FAM135B: variants seen among roughly 807,000 people sequenced by gnomAD.
The protein encoded by FAM135B is family with sequence similarity 135 member B, also known as protein FAM135B.
Under a neutral mutation model 127.7 loss-of-function variants are expected in FAM135B, and 43 were observed. The ratio of observed to expected loss-of-function variants is 0.34; its 90% CI spans 0.26 to 0.43. The LOEUF is 0.43. Among genes scored for constraint, FAM135B ranks in the 20% least tolerant of loss-of-function variants. FAM135B has a pLI of 1.00. For synonymous variants in FAM135B, 670 were observed against 665.1 expected, an observed-to-expected ratio of 1.01 and a Z score of -0.11; for missense variants, 1,558 against 1,725.6, an observed-to-expected ratio of 0.90 and a Z score of 1.72.
chr8:138,141,456 T>A lies in FAM135B; in HGVS notation c.3639-107A>T, dbSNP rs1817139859. 1.0e-5 allele frequency: 12 copies of A among 1,145,876 alleles called. No individual in the cohort carries two copies. The highest frequency in any genetic ancestry group is 1.5e-5 in the Non-Finnish European group (12 of 780,686). The allele number at this position is 1,145,876 out of a possible 1,614,324, so 71.0% of individuals were successfully genotyped here. ...CCATTGTTCTCCACCTCCCACTGAATGTAGGGGAACTGGCAAAGAGAACAG... is the reference window on the plus strand; with the variant it reads ...CCATTGTTCTCCACCTCCCACTGAAAGTAGGGGAACTGGCAAAGAGAACAG... On this transcript the variant is annotated intron_variant, in intron 16 of 19. Transcript: ENST00000395297. This position sits in a 1 kb window ranked among gnomAD's most constrained non-coding sequence, Gnocchi z 4.7.
chr8:138,226,150 CGT>C (rs72185111), intron 7 of FAM135B, among the ~76,000 whole-genome samples: 23,646 of 133,364 alleles, frequency 0.18, 2,371 homozygotes, highest in Non-Finnish European at 0.23. Flanking sequence ...GGGGACCCAC[CGT>C]GTGTGTGTGT....
chr8:138,178,044 A>G (rs1814646080), intron 10 of FAM135B, among the ~76,000 whole-genome samples: 1 of 152,158 alleles, frequency 6.6e-6, no homozygotes, highest in Non-Finnish European at 1.5e-5. Flanking sequence ...CAGGAGTTCG[A>G]GACCAGTCTA....
chr8:138,469,201 CAGAAAGAAA>C (rs1302606675), intron 1 of FAM135B, among the ~76,000 whole-genome samples: 7 of 150,256 alleles, frequency 4.7e-5, no homozygotes, highest in Middle Eastern at 3.4e-3. Flanking sequence ...TTTAAAGTTT[CAGAAAGAAA>C]GGAAAGAAAG....
chr8:138,267,697 A>G (rs567519293), intron 3 of FAM135B, among the ~76,000 whole-genome samples: 1 of 152,260 alleles, frequency 6.6e-6, no homozygotes, highest in South Asian at 2.1e-4. Flanking sequence ...CAATGCAGTC[A>G]CATCTAAACA....
At chr8:138,262,628 C>T (rs1234880790) in intron 4 of FAM135B, among the ~76,000 whole-genome samples, 2 of 152,092 alleles carry the variant, frequency 1.3e-5, no homozygotes, top group Non-Finnish European at 2.9e-5. Flanking sequence ...CGGCTGGGCG[C>T]GGTGGCTCAC....
chr8:138,244,968 T>C (rs1821163657), intron 6 of FAM135B, among the ~76,000 whole-genome samples: 1 of 152,208 alleles, frequency 6.6e-6, no homozygotes, highest in East Asian at 1.9e-4. Flanking sequence ...GAAAAACTGC[T>C]TTTCTGGAAA....
intron 3 of FAM135B, among the ~76,000 whole-genome samples, chr8:138,281,068 G>C (rs1229283557): frequency 6.6e-6 from 1 of 152,074 alleles, no homozygotes; most frequent in Non-Finnish European, 1.5e-5. Context: ...CACCCAATTA[G>C]GTGATTACAT....
chr8:138,242,270 C>G lies in FAM135B; in HGVS notation c.669+672G>C, dbSNP rs1448923318. 1.3e-5 allele frequency among the ~76,000 whole-genome samples: 2 copies of G among 149,188 alleles called. No individual in the cohort carries two copies. The highest frequency in any genetic ancestry group is 2.5e-5 in the African/African-American group (1 of 40,250). On this transcript the variant is annotated intron_variant, in intron 7 of 19. Coordinates refer to ENST00000395297, the MANE Select transcript of FAM135B (RefSeq NM_015912.4). The surrounding 1 kb of genome is among the most constrained non-coding windows in gnomAD (Gnocchi z 9.6). ...TCTGGAGAACCCTGAATAATACAGG[C>G]TGTTTATTTATGAGTAGGCCACTAA...
chr8:138,370,102 T>C (rs1162344493), intron 1 of FAM135B, among the ~76,000 whole-genome samples: 1 of 152,172 alleles, frequency 6.6e-6, no homozygotes, highest in African/African-American at 2.4e-5. Flanking sequence ...ACACAGACAG[T>C]GGTGCTGTTC....
At chr8:138,461,362 T>C (rs538517271) in intron 1 of FAM135B, among the ~76,000 whole-genome samples, 33 of 152,308 alleles carry the variant, frequency 2.2e-4, no homozygotes, top group Middle Eastern at 3.4e-3. Context: ...CAAAGGTCTG[T>C]TTCAGTTCTA....
chr8:138,451,132 C>G (rs897376341), intron 1 of FAM135B, among the ~76,000 whole-genome samples: 111 of 152,234 alleles, frequency 7.3e-4, no homozygotes, highest in African/African-American at 2.5e-3. Flanking sequence ...AATGGGATAG[C>G]CTTGACCAAT....
intron 1 of FAM135B, among the ~76,000 whole-genome samples, chr8:138,413,284 G>C (rs530153567): frequency 8.5e-5 from 13 of 152,084 alleles, no homozygotes; most frequent in Admixed American, 4.6e-4. Context: ...TTCCAGTGTA[G>C]AGTTCCCCTG....
At chr8:138,246,746 C>T (rs985603526) in intron 6 of FAM135B, among the ~76,000 whole-genome samples, 1 of 152,286 alleles carries the variant, frequency 6.6e-6, no homozygotes, top group African/African-American at 2.4e-5. Context: ...ATCCCCCAGA[C>T]TCCAGAATGG....
intron 1 of FAM135B, among the ~76,000 whole-genome samples, chr8:138,454,735 G>C (rs1326148417): frequency 6.6e-6 from 1 of 152,164 alleles, no homozygotes; most frequent in Non-Finnish European, 1.5e-5. Context: ...CACACAGAGA[G>C]CTCCACTAAA....
chr8:138,287,600 A>C (rs1824795397), intron 3 of FAM135B, among the ~76,000 whole-genome samples: 1 of 152,174 alleles, frequency 6.6e-6, no homozygotes, highest in African/African-American at 2.4e-5. Context: ...AAAAGTCCCC[A>C]AACAGTGGCA....
intron 1 of FAM135B, among the ~76,000 whole-genome samples, chr8:138,479,305 T>C (rs2131678506): frequency 6.6e-6 from 1 of 152,214 alleles, no homozygotes; most frequent in African/African-American, 2.4e-5. Context: ...TAAATTAAGT[T>C]TCCAGCCCCT....
At chr8:138,293,725 T>G (rs1490724562) in intron 3 of FAM135B, among the ~76,000 whole-genome samples, 2 of 152,098 alleles carry the variant, frequency 1.3e-5, no homozygotes, top group African/African-American at 2.4e-5. Flanking sequence ...AGAATGAATA[T>G]TATTAAAAAG....
In FAM135B at chr8:138,243,771, T is replaced by A. The variant is rs1586868404; in HGVS notation, c.543-703A>T. Among the ~76,000 whole-genome samples, 1 of 152,258 alleles carries A rather than the reference T, an allele frequency of 6.6e-6. No homozygotes were observed. On this transcript the variant is annotated intron_variant, in intron 6 of 19. Coordinates refer to ENST00000395297, the MANE Select transcript of FAM135B (RefSeq NM_015912.4). This position sits in a 1 kb window ranked among gnomAD's most constrained non-coding sequence, Gnocchi z 7.5. ...TTGAGTTTATGATCATCTTCCTCTA[T>A]CTTTACCTGTTTGATTTTCATCAAT...
chr8:138,173,802 G>A (rs1257492691), intron 11 of FAM135B, among the ~76,000 whole-genome samples: 1 of 152,206 alleles, frequency 6.6e-6, no homozygotes, highest in Non-Finnish European at 1.5e-5. Flanking sequence ...ATACATCGGT[G>A]TAGACCTTCT....
Sources: allele counts gnomAD v4.1 joint callset (sites outside exome capture counted in the v4.1 genomes callset), GRCh38; gene constraint gnomAD v4.1.1; non-coding constraint Gnocchi (gnomAD v3.1); transcripts MANE v1.5; gene names NCBI Gene and HGNC (gene_info 2026-07-23, HGNC 2026-07-21).